Variants in MYO9A observed in about 807,000 individuals in gnomAD.
MYO9A encodes the protein unconventional myosin-IXa.
Under a neutral mutation model 293.3 loss-of-function variants are expected in MYO9A, and 103 were observed. That is an observed-to-expected ratio of 0.35 (90% CI 0.30 to 0.41). The LOEUF is 0.41. MYO9A is among the 10% of genes least tolerant of loss of function. The probability of loss-of-function intolerance (pLI) is 1.00; values close to 1 mark genes in which losing one functional copy is unlikely to be tolerated. For synonymous variants in MYO9A, 1,001 were observed against 1,035.7 expected (o/e 0.97, Z 0.64); for missense variants, 2,685 against 3,033.0 (o/e 0.89, Z 2.69).
At chr15:71,865,289 T>C (rs529503063) in intron 32 of MYO9A, among the ~76,000 whole-genome samples, 2 of 152,272 alleles carry the variant, frequency 1.3e-5, no homozygotes, top group South Asian at 2.1e-4. Context: ...TCTTAATGAA[T>C]AGTTTAAGTA....
At chr15:71,844,954 A>G (rs974436126) in intron 39 of MYO9A, among the ~76,000 whole-genome samples, 2 of 152,236 alleles carry the variant, frequency 1.3e-5, no homozygotes, top group Admixed American at 6.5e-5. Flanking sequence ...ATGTGTGAGG[A>G]GGAGGAACTA....
In MYO9A at chr15:71,851,331, C is replaced by A; in HGVS notation, c.6503G>T (p.Arg2168Leu). The A allele has an allele frequency of 6.2e-7, 1 of 1,613,690 alleles. No homozygotes were observed. The highest frequency in any genetic ancestry group is 8.5e-7 in the Non-Finnish European group (1 of 1,179,760). Residue 2168 changes from arginine (R) to leucine (L), a missense_variant, in exon 37 of 42, where the codon CGT (arginine) becomes CTT (leucine). Physicochemically the swap from Arg to Leu is moderately radical, Grantham distance 102 (BLOSUM62 -2). This residue lies in a region of MYO9A where 238 missense variants were observed against 269.1 expected (regional missense o/e 0.88). Coordinates refer to ENST00000356056, the MANE Select transcript of MYO9A (RefSeq NM_006901.4). ...MGLQERKETI[R>L]GVYSVIDQLS... ...TTGATCAATCACAGAGTATACACCA[C>A]GGATTGTCTCCTTCCTCTCCTGAAG...
intron 11 of MYO9A, among the ~76,000 whole-genome samples, 180 bp downstream of exon 11, chr15:71,990,923 G>A (rs1453210963): frequency 6.6e-6 from 1 of 152,102 alleles, no homozygotes; most frequent in East Asian, 1.9e-4. Context: ...AAGAGGCAAC[G>A]GTATTTGTTC....
chr15:71,917,913 T>C (rs1196769234), intron 18 of MYO9A, among the ~76,000 whole-genome samples: 3 of 152,000 alleles, frequency 2.0e-5, no homozygotes, highest in African/African-American at 7.3e-5. Flanking sequence ...ACAACACACA[T>C]GTAAACAATC....
intron 39 of MYO9A, among the ~76,000 whole-genome samples, chr15:71,843,491 T>C (rs532980368): frequency 3.3e-5 from 5 of 152,252 alleles, no homozygotes; most frequent in African/African-American, 1.2e-4. Flanking sequence ...AGCTACTCTT[T>C]TGTTTGTTTT....
rs1279104725 is a variant in MYO9A, at chr15:71,904,966, T to C, written c.2726A>G (p.Glu909Gly). ...GCGAATGCATTTTACAAAATATGGTTCTGCTTGACCAAGTGTTTCCATTAG... is the reference window on the plus strand; with the variant it reads ...GCGAATGCATTTTACAAAATATGGTCCTGCTTGACCAAGTGTTTCCATTAG... ...SKLMETLGQA[E>G]PYFVKCIRSN... The change falls in exon 20 of 42, where the codon GAA becomes GGA. Residue 909 changes from glutamate to glycine, a missense_variant. Glu to Gly is a moderately conservative substitution (Grantham distance 98). Transcript: ENST00000356056. The C allele has an allele frequency of 1.9e-6, 3 of 1,606,424 alleles. No individual in the cohort carries two copies. Among genetic ancestry groups the C allele is most frequent in the South Asian group, 2.2e-5 (2 of 89,884 alleles).
In MYO9A at chr15:71,879,807, T is replaced by C; in HGVS notation, c.5653A>G (p.Lys1885Glu). 6.2e-7 allele frequency: 1 copy of C among 1,613,160 alleles called. No homozygotes were observed. Among genetic ancestry groups the C allele is most frequent in the Non-Finnish European group, 8.5e-7 (1 of 1,179,398 alleles). ...VNDLDNEDSK[K>E]DTLVDVVFKK... ...AATACAACATCCACTAGTGTATCCT[T>C]CTTGCTGTCTTCATTATCTAGGTCA... The change falls in exon 30 of 42, where the codon AAG (lysine) becomes GAG (glutamate). Residue 1885 changes from lysine to glutamate, a missense_variant. Physicochemically the swap from Lys to Glu is moderately conservative, Grantham distance 56. This residue lies in a region of MYO9A where 1,434 missense variants were observed against 1,497.7 expected (regional missense o/e 0.96). Transcript: ENST00000356056.
intron 19 of MYO9A, among the ~76,000 whole-genome samples, chr15:71,915,427 CT>C (rs796340254): frequency 3.4e-3 from 472 of 137,798 alleles, no homozygotes; most frequent in Non-Finnish European, 3.3e-3. Flanking sequence ...TTTTTCATTT[CT>C]TTTTTTTTTT....
chr15:71,926,894 C>G (rs927930000), intron 18 of MYO9A, among the ~76,000 whole-genome samples: 9 of 152,200 alleles, frequency 5.9e-5, no homozygotes, highest in African/African-American at 1.9e-4. Context: ...ACACACCAGT[C>G]CACTGGCTCT....
chr15:72,062,957 G>A (rs1305981819), intron 1 of MYO9A, among the ~76,000 whole-genome samples: 1 of 152,240 alleles, frequency 6.6e-6, no homozygotes, highest in Admixed American at 6.5e-5. Context: ...AACAGGTCAA[G>A]GCTGCAATGA....
At chr15:72,055,987 G>A (rs886673652) in intron 1 of MYO9A, among the ~76,000 whole-genome samples, 7 of 152,226 alleles carry the variant, frequency 4.6e-5, no homozygotes, top group Non-Finnish European at 1.0e-4. Flanking sequence ...CAGCACTTTA[G>A]GAGGCCAAGG....
intron 18 of MYO9A, among the ~76,000 whole-genome samples, chr15:71,932,303 G>C (rs1370698205): frequency 6.6e-6 from 1 of 152,024 alleles, no homozygotes; most frequent in African/African-American, 2.4e-5. Context: ...CCATTTATTT[G>C]TTTTCAGTGG....
At chr15:71,956,858 C>A (rs200644462) in intron 14 of MYO9A, among the ~76,000 whole-genome samples, 266 of 76,516 alleles carry the variant, frequency 3.5e-3, no homozygotes, top group African/African-American at 0.011. Flanking sequence ...CACACACACA[C>A]AAATATATAT....
intron 1 of MYO9A, 116 bp from the exon 2 acceptor site, chr15:72,046,750 C>T (rs906834863): frequency 1.7e-6 from 1 of 585,706 alleles, no homozygotes; most frequent in African/African-American, 1.9e-5. Flanking sequence ...AAAATACTAA[C>T]TCTTGTCTTA....
rs78476168 is a variant in MYO9A at position 71,999,944 on chromosome 15, T to A, written c.1381-4A>T. 2.5e-6 allele frequency: 4 copies of A among 1,604,444 alleles called. No individual in the cohort carries two copies. Among genetic ancestry groups the A allele is most frequent in the Admixed American group, 1.7e-5 (1 of 58,744 alleles). On this transcript the variant is annotated splice_polypyrimidine_tract_variant and splice_region_variant and intron_variant, in intron 8 of 41. Coordinates refer to ENST00000356056, the MANE Select transcript of MYO9A (RefSeq NM_006901.4). Reference sequence around the variant, plus strand: ...CAAATAGCATCTCTTCTTTAACCTATAAAACAGAAAAGTAAACTCAATATG... The same window carrying A: ...CAAATAGCATCTCTTCTTTAACCTAAAAAACAGAAAAGTAAACTCAATATG...
intron 22 of MYO9A, among the ~76,000 whole-genome samples, chr15:71,902,211 A>G (rs1422296664): frequency 2.6e-5 from 4 of 152,088 alleles, no homozygotes; most frequent in Non-Finnish European, 5.9e-5. Flanking sequence ...ATTAATCTCC[A>G]TAAAAAAGAT....
At chr15:71,883,492 C>G in intron 28 of MYO9A, 102 bp downstream of exon 28, 1 of 1,252,376 alleles carries the variant, frequency 8.0e-7, no homozygotes, top group South Asian at 1.6e-5. Flanking sequence ...TTAGAACATC[C>G]AGCCAACAGG....
intron 39 of MYO9A, among the ~76,000 whole-genome samples, chr15:71,834,957 TATA>T (rs1403882559): frequency 6.6e-6 from 1 of 152,060 alleles, no homozygotes; most frequent in Non-Finnish European, 1.5e-5. Flanking sequence ...ATACACATAA[TATA>T]ATGATACTAC....
At chr15:71,891,695 G>GA (rs984367844) in intron 26 of MYO9A, 1 of 152,094 alleles carries the variant, frequency 6.6e-6, no homozygotes. Context: ...TTCGGCTCAG[G>GA]TTAATGACTC....
Sources: allele counts gnomAD v4.1 joint callset (sites outside exome capture counted in the v4.1 genomes callset), GRCh38; gene constraint gnomAD v4.1.1; regional missense constraint gnomAD v4.1.1; transcripts MANE v1.5; gene names NCBI Gene and HGNC (gene_info 2026-07-23, HGNC 2026-07-21).